ASIC2: variants seen among roughly 807,000 people sequenced by gnomAD.
ASIC2 encodes acid sensing ion channel subunit 2.
Under a neutral mutation model 57.3 loss-of-function variants are expected in ASIC2, and 25 were observed. The observed-to-expected ratio is 0.44, with a 90% CI of 0.32 to 0.61. ASIC2 has a LOEUF of 0.61. ASIC2 is among the 20% of genes least tolerant of loss of function. ASIC2 has a pLI of 0.06. For synonymous variants in ASIC2, 319 were observed against 307.5 expected, an observed-to-expected ratio of 1.04 and a Z score of -0.39; for missense variants, 641 against 738.1, an observed-to-expected ratio of 0.87 and a Z score of 1.52.
chr17:33,167,231 C>T (rs1452795431), intron 1 of ASIC2, among the ~76,000 whole-genome samples: 2 of 152,142 alleles, frequency 1.3e-5, no homozygotes. Flanking sequence ...GCACTGCTTC[C>T]TCCTACTTGC....
Position 33,021,241 on chromosome 17 carries a change from C to T in ASIC2, c.1419G>A (p.Ala473=), listed in dbSNP as rs759168920. 71 of 1,379,406 alleles carry T rather than the reference C, an allele frequency of 5.1e-5. No individual in the cohort carries two copies. Among genetic ancestry groups the T allele is most frequent in the Middle Eastern group, 2.1e-4 (1 of 4,822 alleles). The allele number at this position is 1,379,406 out of a possible 1,614,324, so 85.4% of individuals were successfully genotyped here. Residue 473 remains alanine (A), a synonymous_variant, in exon 7 of 10, where the codon GCG becomes GCA. Coordinates refer to ENST00000225823, the MANE Select transcript of ASIC2 (RefSeq NM_183377.2). ...LNYETIEQKK[A]YEVAALLGDI... ...TACCAAGTAAGGCAGCAACTTCATA[C>T]GCCTTCTTCTGTTCAATTGTCTCAT... is the stretch of plus-strand genomic sequence containing the variant.
At chr17:33,699,484 A>G (rs1482758969) in intron 1 of ASIC2, among the ~76,000 whole-genome samples, 3 of 152,232 alleles carry the variant, frequency 2.0e-5, no homozygotes, top group Non-Finnish European at 4.4e-5. Flanking sequence ...TTCCTAGGAA[A>G]GCAAACAATC....
chr17:33,301,421 A>T (rs559370714), intron 1 of ASIC2, among the ~76,000 whole-genome samples: 1 of 152,312 alleles, frequency 6.6e-6, no homozygotes, highest in South Asian at 2.1e-4. Context: ...AAGGAAACTG[A>T]GGCAGAATGT....
At chr17:33,669,941 AG>A (rs1907593857) in intron 1 of ASIC2, among the ~76,000 whole-genome samples, 1 of 152,174 alleles carries the variant, frequency 6.6e-6, no homozygotes, top group Admixed American at 6.5e-5. Context: ...AAAAAGGGAG[AG>A]GCTGAAAAGG....
chr17:34,014,001 A>G (rs1484426879), intron 1 of ASIC2, among the ~76,000 whole-genome samples: 2 of 152,162 alleles, frequency 1.3e-5, no homozygotes, highest in Non-Finnish European at 2.9e-5. Flanking sequence ...TAGGATAGCC[A>G]GCACCCCAGA....
intron 1 of ASIC2, chr17:34,038,258 A>G: frequency 6.2e-7 from 1 of 1,610,612 alleles, no homozygotes; most frequent in South Asian, 1.1e-5. Flanking sequence ...CTCTGACATT[A>G]ATTTGTGCTG....
intron 1 of ASIC2, among the ~76,000 whole-genome samples, chr17:33,633,460 C>A (rs1906242019): frequency 6.6e-6 from 1 of 152,188 alleles, no homozygotes; most frequent in African/African-American, 2.4e-5. Context: ...CTGCCACAAG[C>A]TTGGGTGCCC....
chr17:33,712,867 G>A (rs940141831), intron 1 of ASIC2, among the ~76,000 whole-genome samples: 1 of 151,568 alleles, frequency 6.6e-6, no homozygotes, highest in Non-Finnish European at 1.5e-5. Flanking sequence ...GGATGGTCTC[G>A]ATCTCCTGAC....
chr17:34,032,066 G>T (rs567249082), intron 1 of ASIC2, among the ~76,000 whole-genome samples: 30 of 152,236 alleles, frequency 2.0e-4, no homozygotes, highest in East Asian at 1.7e-3. Flanking sequence ...ATTGTCAGAT[G>T]AACCAAAGTT....
chr17:33,410,774 G>A (rs932204232), intron 1 of ASIC2, among the ~76,000 whole-genome samples: 2 of 152,208 alleles, frequency 1.3e-5, no homozygotes, highest in African/African-American at 4.8e-5. Flanking sequence ...ATCTTTGTGA[G>A]ACAGGCAAAG....
chr17:33,357,191 T>G (rs1205668072), intron 1 of ASIC2, among the ~76,000 whole-genome samples: 2 of 152,048 alleles, frequency 1.3e-5, no homozygotes, highest in Non-Finnish European at 2.9e-5. Context: ...CCCAGCTTCC[T>G]CAGGAAGTCC....
chr17:33,532,062 G>A (rs1915068982), intron 1 of ASIC2, among the ~76,000 whole-genome samples: 1 of 152,150 alleles, frequency 6.6e-6, no homozygotes, highest in Admixed American at 6.5e-5. Context: ...CTTGCTTCCA[G>A]GGAGGTGGGT....
At chr17:33,164,540 G>C (rs1905250628) in intron 1 of ASIC2, among the ~76,000 whole-genome samples, 2 of 151,190 alleles carry the variant, frequency 1.3e-5, no homozygotes, top group African/African-American at 4.9e-5. Flanking sequence ...AGCTCACCAG[G>C]CTCTCTGGAA....
chr17:33,748,014 T>C (rs1713089064), intron 1 of ASIC2, among the ~76,000 whole-genome samples: 1 of 152,252 alleles, frequency 6.6e-6, no homozygotes, highest in Non-Finnish European at 1.5e-5. Flanking sequence ...ACCAGTATCA[T>C]TTCCATTTCA....
At chr17:33,317,484 C>A (rs9916185) in intron 1 of ASIC2, among the ~76,000 whole-genome samples, 8,110 of 152,252 alleles carry the variant, frequency 0.053, 371 homozygotes, top group East Asian at 0.1. Flanking sequence ...TTTGTATTTT[C>A]AAAGCTCTGT....
intron 1 of ASIC2, among the ~76,000 whole-genome samples, chr17:33,884,634 C>A (rs888504832): frequency 1.3e-5 from 2 of 152,176 alleles, no homozygotes; most frequent in East Asian, 3.9e-4. Flanking sequence ...TACACTACCC[C>A]CTTAGCTTCC....
At chr17:33,809,730 G>A (rs1261636213) in intron 1 of ASIC2, among the ~76,000 whole-genome samples, 1 of 152,180 alleles carries the variant, frequency 6.6e-6, no homozygotes, top group Non-Finnish European at 1.5e-5. Flanking sequence ...AATGGCAGCT[G>A]CCACAACACA....
chr17:33,924,722 T>A (rs979597929), intron 1 of ASIC2, among the ~76,000 whole-genome samples: 1 of 152,182 alleles, frequency 6.6e-6, no homozygotes, highest in Non-Finnish European at 1.5e-5. Flanking sequence ...CAAGTGCTGG[T>A]TGGCCATATG....
At chr17:33,236,502 C>G (rs1384458215) in intron 1 of ASIC2, among the ~76,000 whole-genome samples, 8 of 152,222 alleles carry the variant, frequency 5.3e-5, no homozygotes, top group South Asian at 2.1e-4. Context: ...CGCTACTACA[C>G]CCAGCTAATT....
Sources: allele counts gnomAD v4.1 joint callset (sites outside exome capture counted in the v4.1 genomes callset), GRCh38; gene constraint gnomAD v4.1.1; transcripts MANE v1.5; gene names NCBI Gene and HGNC (gene_info 2026-07-23, HGNC 2026-07-21).